Variants in PACRG observed in about 807,000 individuals in gnomAD.
PACRG encodes parkin coregulated, also known as parkin coregulated gene protein.
In PACRG, 29 loss-of-function variants were observed where a neutral mutation model predicts 29.7. That is an observed-to-expected ratio of 0.98 (90% confidence interval 0.73 to 1.33). The LOEUF is 1.33. Among genes scored for constraint, PACRG ranks in the 40% most tolerant of loss-of-function variants. The pLI is 0.00. For missense variants in PACRG, 279 were observed against 316.2 expected (o/e 0.88, Z 0.89); for synonymous variants, 116 against 118.7 (o/e 0.98, Z 0.15).
chr6:162,913,770 T>C (rs1270577847), intron 2 of PACRG, among the ~76,000 whole-genome samples: 1 of 152,188 alleles, frequency 6.6e-6, no homozygotes, highest in Non-Finnish European at 1.5e-5. Flanking sequence ...GGATACACAG[T>C]GACTGAGCAT....
At chr6:163,177,709 G>GGTTTTTTTTTTTT (rs1562951194) in intron 4 of PACRG, among the ~76,000 whole-genome samples, 3 of 33,646 alleles carry the variant, frequency 8.9e-5, no homozygotes, top group African/African-American at 1.0e-4. Flanking sequence ...TTAGAAAAGG[G>GGTTTTTTTTTTTT]ATTTTTTTTT....
At chr6:163,121,083 A>G (rs1018835595) in intron 4 of PACRG, among the ~76,000 whole-genome samples, 1 of 152,220 alleles carries the variant, frequency 6.6e-6, no homozygotes, top group South Asian at 2.1e-4. Flanking sequence ...AAATTTAAGA[A>G]ATAGCTACAG....
intron 2 of PACRG, among the ~76,000 whole-genome samples, chr6:162,846,097 G>A (rs1301332551): frequency 8.5e-5 from 13 of 152,152 alleles, no homozygotes; most frequent in Non-Finnish European, 1.9e-4. Context: ...GAAGCTGGAC[G>A]GAAACACTGT....
At position 162,825,457 on chromosome 6, in the gene PACRG, C is replaced by T. The variant is rs77557267; in HGVS notation, c.291+11176C>T. Reference sequence around the variant, plus strand: ...TGTGTGTTGTAGGTGATTTCCTCAACTCTGTCTTCCAACTTAATAATTTAC... The same window carrying T: ...TGTGTGTTGTAGGTGATTTCCTCAATTCTGTCTTCCAACTTAATAATTTAC... On this transcript the variant is annotated intron_variant, in intron 2 of 4. Coordinates refer to ENST00000366888, the MANE Select transcript of PACRG (RefSeq NM_001080379.2). Among the ~76,000 whole-genome samples the T allele has an allele frequency of 2.2e-3, 329 of 152,266 alleles. 12 individuals are homozygous for T. In the East Asian group the frequency reaches 0.051, roughly 24 times the overall value.
chr6:162,892,639 G>C (rs911651114), intron 2 of PACRG, among the ~76,000 whole-genome samples: 5 of 152,110 alleles, frequency 3.3e-5, no homozygotes, highest in African/African-American at 1.2e-4. Context: ...AGATAGGTGG[G>C]ACAGGGACCA....
chr6:162,818,573 GA>G (rs1787555711), intron 2 of PACRG, among the ~76,000 whole-genome samples: 3 of 152,140 alleles, frequency 2.0e-5, no homozygotes, highest in African/African-American at 7.2e-5. Context: ...AGAAAGAGAT[GA>G]AGATAAATAC....
At chr6:162,759,277 C>T (rs1388507719) in intron 1 of PACRG, among the ~76,000 whole-genome samples, 1 of 152,130 alleles carries the variant, frequency 6.6e-6, no homozygotes, top group African/African-American at 2.4e-5. Flanking sequence ...AGTGCCTTTC[C>T]AATTCATACA....
intron 4 of PACRG, among the ~76,000 whole-genome samples, chr6:163,282,838 C>T (rs891450041): frequency 1.2e-4 from 19 of 152,196 alleles, no homozygotes; most frequent in Middle Eastern, 3.4e-3. Context: ...TGGGAAACAA[C>T]AATTTCTTTC....
At chr6:162,789,453 C>G (rs575233699) in intron 1 of PACRG, among the ~76,000 whole-genome samples, 1 of 152,238 alleles carries the variant, frequency 6.6e-6, no homozygotes, top group South Asian at 2.1e-4. Flanking sequence ...GAACTAACAA[C>G]TCATCTTCTA....
chr6:163,314,485 C>G (rs1254991277), intron 4 of PACRG, among the ~76,000 whole-genome samples: 1 of 152,138 alleles, frequency 6.6e-6, no homozygotes, highest in Non-Finnish European at 1.5e-5. Context: ...CTTCTAAGTA[C>G]ACCGTGCTGT....
At chr6:162,763,417 A>T (rs965330568) in intron 1 of PACRG, among the ~76,000 whole-genome samples, 1 of 152,236 alleles carries the variant, frequency 6.6e-6, no homozygotes, top group Non-Finnish European at 1.5e-5. Context: ...CACATCCATT[A>T]TCCTTCTGAT....
intron 1 of PACRG, among the ~76,000 whole-genome samples, chr6:162,776,692 G>T (rs577351579): frequency 5.9e-5 from 9 of 152,326 alleles, no homozygotes; most frequent in Middle Eastern, 3.4e-3. Flanking sequence ...CAAGTGAGGG[G>T]CTTGGAGCTT....
At chr6:162,791,779 T>C (rs892263553) in intron 1 of PACRG, among the ~76,000 whole-genome samples, 18 of 152,088 alleles carry the variant, frequency 1.2e-4, no homozygotes, top group Non-Finnish European at 2.6e-4. Context: ...ATGCAGAAGG[T>C]AATGTGTAGT....
chr6:163,240,124 C>G (rs1426126241), intron 4 of PACRG, among the ~76,000 whole-genome samples: 1 of 151,994 alleles, frequency 6.6e-6, no homozygotes. Flanking sequence ...CGCGCACATG[C>G]TATTCCCAGA....
At chr6:163,099,793 A>G (rs902009295) in intron 4 of PACRG, among the ~76,000 whole-genome samples, 22 of 152,142 alleles carry the variant, frequency 1.4e-4, no homozygotes, top group Admixed American at 6.5e-4. Flanking sequence ...TGGATGGAGG[A>G]GCCTTTCCGT....
intron 4 of PACRG, among the ~76,000 whole-genome samples, chr6:163,268,262 C>T (rs572064915): frequency 4.7e-4 from 71 of 151,890 alleles, no homozygotes; most frequent in African/African-American, 1.5e-3. Flanking sequence ...ATTAGCCGGG[C>T]GTGGTGGCGG....
At chr6:163,269,944 AAAGAAAGAAAGAAAGAAAGAAAG>A (rs1783734840) in intron 4 of PACRG, among the ~76,000 whole-genome samples, 4 of 36,296 alleles carry the variant, frequency 1.1e-4, no homozygotes, top group Non-Finnish European at 2.1e-4. Context: ...AGAAAGAAAG[AAAGAAAGAAAGAAAGAAAGAAAG>A]AAAGAAAGAA....
intron 4 of PACRG, among the ~76,000 whole-genome samples, chr6:163,218,476 T>TTTCCATGGCCACGTCCTCA (rs1175343552): frequency 6.6e-5 from 10 of 152,296 alleles, no homozygotes; most frequent in African/African-American, 2.4e-4. Context: ...CTATGAGTGC[T>TTTCCATGGCCACGTCCTCA]TTCCATGGCC....
intron 2 of PACRG, among the ~76,000 whole-genome samples, chr6:162,959,703 C>A (rs12191527): frequency 0.52 from 78,403 of 151,858 alleles, 21,358 homozygotes; most frequent in Middle Eastern, 0.69. Flanking sequence ...AAAAGGAGGC[C>A]ATTTGGGACA....
Sources: allele counts gnomAD v4.1 joint callset (sites outside exome capture counted in the v4.1 genomes callset), GRCh38; gene constraint gnomAD v4.1.1; transcripts MANE v1.5; gene names NCBI Gene and HGNC (gene_info 2026-07-23, HGNC 2026-07-21).